Variants in PSG11 observed in about 807,000 individuals in gnomAD.
PSG11 encodes the protein pregnancy-specific beta-1-glycoprotein 11.
PSG11 carries 42 observed loss-of-function variants against 36.0 expected under a neutral mutation model. The observed-to-expected ratio is 1.17, with a 90% confidence interval of 0.91 to 1.51. The LOEUF (loss-of-function observed/expected upper bound fraction) is 1.51, where lower values mean the gene tolerates loss of function less well. PSG11 is among the 40% of genes most tolerant of loss of function. The pLI, the probability that PSG11 is intolerant of heterozygous loss-of-function variation, is 0.00. For missense variants in PSG11, 558 were observed against 403.5 expected, an observed-to-expected ratio of 1.38 and a Z score of -3.28; for synonymous variants, 206 against 153.5, an observed-to-expected ratio of 1.34 and a Z score of -2.53.
chr19:43,009,880 G>A (rs554540885), intron 5 of PSG11, 78 bp downstream of exon 5: 9 of 1,174,870 alleles, frequency 7.7e-6, no homozygotes, highest in Admixed American at 1.8e-5. Context: ...CCCAGATACA[G>A]GCAAATAAGT....
chr19:43,015,923 G>A, intron 3 of PSG11: 2 of 1,610,092 alleles, frequency 1.2e-6, no homozygotes, highest in Non-Finnish European at 1.7e-6. Context: ...GGGAGGCTCT[G>A]ACAATTTAGC....
chr19:43,011,080 G>A lies in PSG11; in HGVS notation c.965-1039C>T, dbSNP rs187441347. On this transcript the variant is annotated intron_variant, in intron 4 of 5. Transcript: ENST00000320078. The stretch of plus-strand genomic sequence containing the variant: ...TTAGCGTGCTGTAAAAACTTTCCTG[G>A]TGTCATATGGCTAGTGACAGGTGGA... 6.0e-5 allele frequency among the ~76,000 whole-genome samples: 9 copies of A among 150,890 alleles called. No homozygotes were observed. The East Asian group carries it at 1.6e-3, about 26-fold the overall frequency.
rs1312441495 is a variant in PSG11, at chr19:43,010,554, C to T, written c.965-513G>A. The T allele has an allele frequency of 6.9e-5, 36 of 519,132 alleles. 1 individual carries two copies. The highest frequency in any genetic ancestry group is 1.1e-4 in the Non-Finnish European group (33 of 294,540). The allele number at this position is 519,132 out of a possible 1,614,324, so 32.2% of individuals were successfully genotyped here. ...CCTAGTTCTCTGAGGCTCTCTTTAACGCTAATGGGTGACTGGTTGGAGGAT... is the reference window on the plus strand; with the variant it reads ...CCTAGTTCTCTGAGGCTCTCTTTAATGCTAATGGGTGACTGGTTGGAGGAT... On this transcript the variant is annotated intron_variant, in intron 4 of 5. Transcript: ENST00000320078.
intron 3 of PSG11, among the ~76,000 whole-genome samples, chr19:43,016,560 G>A (rs1428695282): frequency 6.6e-6 from 1 of 151,474 alleles, no homozygotes; most frequent in East Asian, 1.9e-4. Flanking sequence ...GGATGTTTCA[G>A]CAGAAATAAC....
intron 4 of PSG11, among the ~76,000 whole-genome samples, chr19:43,011,973 C>T (rs1349337466): frequency 6.7e-6 from 1 of 149,410 alleles, no homozygotes; most frequent in African/African-American, 2.5e-5. Flanking sequence ...TATGAAAGTA[C>T]TATAAATAAT....
At chr19:43,011,947 A>C (rs139613854) in intron 4 of PSG11, among the ~76,000 whole-genome samples, 4,752 of 150,894 alleles carry the variant, frequency 0.031, 337 homozygotes, top group African/African-American at 0.097. Flanking sequence ...ACTACCAATT[A>C]TAATAAAATA....
intron 4 of PSG11, among the ~76,000 whole-genome samples, chr19:43,012,200 T>C (rs374278855): frequency 3.3e-5 from 5 of 151,424 alleles, no homozygotes; most frequent in East Asian, 1.9e-4. Flanking sequence ...TCATACTCAA[T>C]GGAGAAAGAC....
In PSG11 at chr19:43,019,356, C is replaced by G. The variant is rs1261591250; in HGVS notation, c.431-308G>C. The G allele has an allele frequency of 1.4e-5, 6 of 425,412 alleles. 1 individual carries two copies. Among genetic ancestry groups the G allele is most frequent in the South Asian group, 4.4e-5 (1 of 22,496 alleles). The allele number at this position is 425,412 out of a possible 1,614,324, so 26.4% of individuals were successfully genotyped here. A position where few individuals can be genotyped will look rare whatever the true frequency, so the allele number is the denominator to read the frequency against. On this transcript the variant is annotated intron_variant, in intron 2 of 5. Coordinates refer to ENST00000320078, the MANE Select transcript of PSG11 (RefSeq NM_002785.3). ...CCTCTCTGAGTCCCTCCATCTCCAA[C>G]TGCCTGCCTGGCCCACCTTTTGGTC...
chr19:43,016,477 C>A (rs1966970147), intron 3 of PSG11, among the ~76,000 whole-genome samples: 1 of 151,108 alleles, frequency 6.6e-6, no homozygotes, highest in Non-Finnish European at 1.5e-5. Context: ...CAAGGACATT[C>A]TAGAGATCAG....
At chr19:43,025,186 TACAA>T in intron 1 of PSG11, 130 bp from the exon 2 acceptor site, 1 of 1,269,584 alleles carries the variant, frequency 7.9e-7, no homozygotes, top group Non-Finnish European at 1.1e-6. Context: ...CACACACACA[TACAA>T]ACATACACAC....
At chr19:43,014,865 T>C (rs1411511208) in intron 4 of PSG11, 2 of 1,370,008 alleles carry the variant, frequency 1.5e-6, no homozygotes, top group South Asian at 1.6e-5. Flanking sequence ...TTCTACCACA[T>C]AGGGCTCAGG....
chr19:43,015,437 A>G, intron 3 of PSG11, 67 bp from the exon 4 acceptor site: 1 of 1,528,624 alleles, frequency 6.5e-7, no homozygotes, highest in Non-Finnish European at 8.9e-7. Flanking sequence ...TTGTCTCTTA[A>G]AGGGACACAG....
chr19:43,019,205 C>G (rs1483800900), intron 2 of PSG11, among the ~76,000 whole-genome samples, 157 bp from the exon 3 acceptor site: 2 of 151,452 alleles, frequency 1.3e-5, no homozygotes, highest in Admixed American at 1.3e-4. Context: ...GCATGGCATT[C>G]TGAAGGCTAA....
intron 2 of PSG11, among the ~76,000 whole-genome samples, chr19:43,022,782 C>T (rs1967132729): frequency 6.6e-6 from 1 of 150,966 alleles, no homozygotes. Context: ...GGGACATTGG[C>T]TCGAGATGAA....
intron 5 of PSG11, 194 bp from the exon 6 acceptor site, chr19:43,008,236 G>T (rs1047611298): frequency 5.1e-6 from 1 of 195,930 alleles, no homozygotes; most frequent in Admixed American, 6.1e-5. Context: ...TAACATATTT[G>T]ATTTCCAGAA....
chr19:43,008,662 T>C (rs1257991992), intron 5 of PSG11, among the ~76,000 whole-genome samples: 1 of 151,364 alleles, frequency 6.6e-6, no homozygotes, highest in African/African-American at 2.4e-5. Context: ...ATGCTTTCTA[T>C]ATAATGTAAT....
chr19:43,015,936 C>G, intron 3 of PSG11: 1 of 1,610,026 alleles, frequency 6.2e-7, no homozygotes. Flanking sequence ...AATTTAGCCA[C>G]CAAATGTAGG....
chr19:43,014,596 G>A, intron 4 of PSG11: 4 of 1,027,108 alleles, frequency 3.9e-6, no homozygotes, highest in Non-Finnish European at 3.5e-6. Context: ...CCCACCCCAG[G>A]TTGAGTGAGG....
intron 1 of PSG11, 119 bp from the exon 2 acceptor site, chr19:43,025,175 A>G (rs1967210655): frequency 2.1e-6 from 3 of 1,395,582 alleles, no homozygotes; most frequent in Non-Finnish European, 2.9e-6. Flanking sequence ...ACACACACAC[A>G]CACACACACA....
Sources: gnomAD v4.1 joint callset for allele counts (sites outside exome capture counted in the v4.1 genomes callset) on GRCh38, gnomAD v4.1.1 for gene constraint, MANE v1.5 for transcripts, NCBI Gene and HGNC (gene_info 2026-07-23, HGNC 2026-07-21) for gene names.